VCF1: variants seen among roughly 807,000 people sequenced by gnomAD.
VCF1 encodes the protein VCP nuclear cofactor family member 1.
the VCF1 span, among the ~76,000 whole-genome samples, chr17:73,211,792 G>A: frequency 3.3e-5 from 5 of 152,250 alleles, 1 homozygote; most frequent in South Asian, 1.0e-3. Flanking sequence ...CCCGGGAGGT[G>A]AAGGTTGCAG....
the VCF1 span, among the ~76,000 whole-genome samples, chr17:73,217,756 G>A: frequency 4.0e-5 from 6 of 151,134 alleles, no homozygotes; most frequent in Admixed American, 3.3e-4. Context: ...TGGATTGCCT[G>A]AGCTCAGGAG....
At chr17:73,217,719 C>T in the VCF1 span, among the ~76,000 whole-genome samples, 2 of 151,772 alleles carry the variant, frequency 1.3e-5, no homozygotes, top group Non-Finnish European at 2.9e-5. Flanking sequence ...TTTGGGAGGC[C>T]GAGGCAGGTG....
chr17:73,219,812 AAAG>A, the VCF1 span, among the ~76,000 whole-genome samples: 1 of 151,848 alleles, frequency 6.6e-6, no homozygotes, highest in Non-Finnish European at 1.5e-5. Flanking sequence ...GTCTCTACAA[AAAG>A]AATATAAAAA....
the VCF1 span, chr17:73,208,792 C>A: frequency 5.4e-6 from 2 of 370,154 alleles, no homozygotes; most frequent in African/African-American, 2.1e-5. Context: ...TATTACTTTA[C>A]TTGCAGAACT....
the VCF1 span, chr17:73,209,491 C>T: frequency 1.9e-5 from 30 of 1,556,590 alleles, no homozygotes; most frequent in South Asian, 1.2e-4. Flanking sequence ...ATCTGCACAG[C>T]GCTGTCCCTT....
the VCF1 span, chr17:73,229,408 T>C: frequency 1.0e-6 from 1 of 985,466 alleles, no homozygotes; most frequent in Non-Finnish European, 1.2e-6. Context: ...GGTTATGATT[T>C]TAGCAGGCAC....
chr17:73,209,235 T>G, the VCF1 span: 1 of 482,532 alleles, frequency 2.1e-6, no homozygotes, highest in South Asian at 2.5e-5. Context: ...GAATGGGACA[T>G]ACTATGGATT....
At chr17:73,228,362 C>CT in the VCF1 span, among the ~76,000 whole-genome samples, 1 of 152,206 alleles carries the variant, frequency 6.6e-6, no homozygotes, top group Middle Eastern at 3.2e-3. Flanking sequence ...TAATTATACA[C>CT]TTTCTATGAG....
chr17:73,227,701 T>C, the VCF1 span: 6 of 982,304 alleles, frequency 6.1e-6, no homozygotes, highest in African/African-American at 1.0e-4. Flanking sequence ...CTATTTGCCC[T>C]GAAAACCCTT....
the VCF1 span, chr17:73,209,873 A>G: frequency 6.8e-7 from 1 of 1,474,448 alleles, no homozygotes; most frequent in South Asian, 1.3e-5. Context: ...TTTCCAGTTC[A>G]GCTTGAGGAT....
the VCF1 span, among the ~76,000 whole-genome samples, chr17:73,221,325 T>A: frequency 6.6e-6 from 1 of 151,608 alleles, no homozygotes; most frequent in Admixed American, 6.5e-5. Flanking sequence ...AAACTTCTAG[T>A]GTAATTTGTA....
the VCF1 span, chr17:73,227,776 A>T: frequency 2.5e-6 from 1 of 406,630 alleles, no homozygotes; most frequent in Non-Finnish European, 3.3e-6. Flanking sequence ...ATTATGATAT[A>T]ACAATTACTT....
chr17:73,208,408 C>G, the VCF1 span: 810 of 1,614,222 alleles, frequency 5.0e-4, no homozygotes, highest in Non-Finnish European at 6.2e-4. Flanking sequence ...ACGTCTGCAC[C>G]TTCATTATTC....
At chr17:73,232,099 G>T in the VCF1 span, 3 of 1,607,520 alleles carry the variant, frequency 1.9e-6, no homozygotes, top group Admixed American at 1.7e-5. Context: ...GGACGGAGGC[G>T]CTCGCTCATG....
At chr17:73,230,514 G>A in the VCF1 span, among the ~76,000 whole-genome samples, 3 of 151,960 alleles carry the variant, frequency 2.0e-5, no homozygotes, top group African/African-American at 7.3e-5. Flanking sequence ...TCCTGCCTTA[G>A]CCTCCCAAGT....
the VCF1 span, among the ~76,000 whole-genome samples, chr17:73,226,030 T>G: frequency 1.3e-5 from 2 of 151,172 alleles, no homozygotes; most frequent in Admixed American, 6.6e-5. Flanking sequence ...GCCTCCCAAG[T>G]AGCTGGGATT....
At chr17:73,226,628 A>G in the VCF1 span, among the ~76,000 whole-genome samples, 2 of 152,358 alleles carry the variant, frequency 1.3e-5, no homozygotes, top group South Asian at 2.1e-4. Flanking sequence ...GCACTCTTTC[A>G]TGAAATCAAA....
the VCF1 span, chr17:73,232,093 G>A: frequency 1.2e-6 from 2 of 1,606,362 alleles, no homozygotes; most frequent in African/African-American, 1.3e-5. Flanking sequence ...CACCTGGGAC[G>A]GAGGCGCTCG....
chr17:73,216,453 T>A, the VCF1 span, among the ~76,000 whole-genome samples: 1 of 151,800 alleles, frequency 6.6e-6, no homozygotes, highest in Non-Finnish European at 1.5e-5. Flanking sequence ...GTCCCAGCAG[T>A]GGCTGCAGGC....
Sources: gnomAD v4.1 joint callset for allele counts (sites outside exome capture counted in the v4.1 genomes callset) on GRCh38, gnomAD v4.1.1 for gene constraint, MANE v1.5 for transcripts, NCBI Gene and HGNC (gene_info 2026-07-23, HGNC 2026-07-21) for gene names.